The following SERTM1 variants were observed in gnomAD, a reference collection of about 807,000 sequenced individuals.
SERTM1 encodes serine-rich and transmembrane domain-containing protein 1.
Under a neutral mutation model 5.5 loss-of-function variants are expected in SERTM1, and 1 was observed. The ratio of observed to expected loss-of-function variants is 0.18; its 90% CI spans 0.06 to 0.86. The LOEUF (loss-of-function observed/expected upper bound fraction) is 0.86, where lower values mean the gene tolerates loss of function less well. SERTM1 is among the 40% of genes least tolerant of loss of function. The pLI, the probability that SERTM1 is intolerant of heterozygous loss-of-function variation, is 0.69. For missense variants in SERTM1, 91 were observed against 122.4 expected (o/e 0.74, Z 1.21); for synonymous variants, 52 against 55.1 (o/e 0.94, Z 0.25).
chr13:36,690,146 A>C (rs1472857809), intron 1 of SERTM1, among the ~76,000 whole-genome samples: 1 of 152,230 alleles, frequency 6.6e-6, no homozygotes, highest in Non-Finnish European at 1.5e-5. Context: ...TGGACGATTC[A>C]GAATCTCCAT....
At chr13:36,694,811 G>C in intron 1 of SERTM1, 95 bp from the exon 2 acceptor site, 1 of 457,070 alleles carries the variant, frequency 2.2e-6, no homozygotes, top group Non-Finnish European at 3.8e-6. Context: ...CCTCCATGCT[G>C]AGTTTTCTAA....
At position 36,693,230 on chromosome 13, in the gene SERTM1, T is replaced by A. The variant is rs138193665; in HGVS notation, c.-173-1676T>A. On this transcript the variant is annotated intron_variant, in intron 1 of 1. Coordinates refer to ENST00000315190, the MANE Select transcript of SERTM1 (RefSeq NM_203451.3). ...ATTTTAAATAGTTTTTCCCATCCAA[T>A]CTGTGAGGCTTCTATCCTAGTTTTC... Among the ~76,000 whole-genome samples the A allele has an allele frequency of 1.2e-3, 190 of 152,320 alleles. 1 individual carries two copies. Among genetic ancestry groups the A allele is most frequent in the African/African-American group, 4.3e-3 (180 of 41,570 alleles).
chr13:36,678,614 G>T (rs2056683836), intron 1 of SERTM1, among the ~76,000 whole-genome samples: 1 of 149,762 alleles, frequency 6.7e-6, no homozygotes, highest in African/African-American at 2.5e-5. Flanking sequence ...CATGGCACAT[G>T]TTTACTTATG....
At chr13:36,685,209 G>A (rs548637287) in intron 1 of SERTM1, among the ~76,000 whole-genome samples, 2 of 152,182 alleles carry the variant, frequency 1.3e-5, no homozygotes, top group Non-Finnish European at 2.9e-5. Context: ...TTTTGAGTTC[G>A]CTGTGCCGCC....
Position 36,682,369 on chromosome 13 carries a change from G to A in SERTM1, c.-174+8185G>A, listed in dbSNP as rs1005853036. On this transcript the variant is annotated intron_variant, in intron 1 of 1. Transcript: ENST00000315190. ...TAAAGCAGATAGGTAAATAAATGTA[G>A]TAAGTATAATAAAATGTGAGAAATG... 2.6e-5 allele frequency among the ~76,000 whole-genome samples: 4 copies of A among 152,316 alleles called. No homozygotes were observed. In the South Asian group the frequency reaches 8.3e-4, roughly 32 times the overall value.
chr13:36,694,749 A>T (rs866276539), intron 1 of SERTM1, among the ~76,000 whole-genome samples, 157 bp from the exon 2 acceptor site: 1 of 152,234 alleles, frequency 6.6e-6, no homozygotes, highest in African/African-American at 2.4e-5. Context: ...ATCATTTGTA[A>T]TATAAAGACA....
chr13:36,692,259 C>G (rs573773953), intron 1 of SERTM1, among the ~76,000 whole-genome samples: 1 of 152,194 alleles, frequency 6.6e-6, no homozygotes, highest in Admixed American at 6.5e-5. Context: ...ACTCTCCTGT[C>G]AACAGTTGAG....
Position 36,695,477 on chromosome 13 carries a change from T to A in SERTM1, c.*75T>A. 1 of 1,065,096 alleles carries A rather than the reference T, an allele frequency of 9.4e-7. No homozygotes were observed. The highest frequency in any genetic ancestry group is 1.4e-6 in the Non-Finnish European group (1 of 717,338). The allele number at this position is 1,065,096 out of a possible 1,614,324, so 66.0% of individuals were successfully genotyped here. ...CGGAAGTGTCCCGTGAGGCATTGCC[T>A]CATGAAAGAAATGATCCTTTTGGTG... is the stretch of plus-strand genomic sequence containing the variant. On this transcript the variant is annotated 3_prime_UTR_variant, in exon 2 of 2. Transcript: ENST00000315190.
At chr13:36,676,110 T>A (rs2056668288) in intron 1 of SERTM1, among the ~76,000 whole-genome samples, 1 of 152,208 alleles carries the variant, frequency 6.6e-6, no homozygotes, top group South Asian at 2.1e-4. Flanking sequence ...TGTGATTGCA[T>A]GTGGCATCAA....
At chr13:36,675,916 C>A (rs948863509) in intron 1 of SERTM1, among the ~76,000 whole-genome samples, 1 of 152,132 alleles carries the variant, frequency 6.6e-6, no homozygotes, top group Non-Finnish European at 1.5e-5. Context: ...ATTTTTGATT[C>A]CTCTATATAA....
At chr13:36,688,506 C>T (rs572446056) in intron 1 of SERTM1, among the ~76,000 whole-genome samples, 3 of 152,272 alleles carry the variant, frequency 2.0e-5, no homozygotes, top group Admixed American at 2.0e-4. Flanking sequence ...AGTCACCATG[C>T]CCAGCCTGAG....
chr13:36,675,289 C>T (rs1263906571), intron 1 of SERTM1, among the ~76,000 whole-genome samples: 2 of 152,298 alleles, frequency 1.3e-5, no homozygotes, highest in African/African-American at 2.4e-5. Flanking sequence ...CATTTGGTAC[C>T]GTCTGCACTA....
At chr13:36,693,884 A>G (rs746804265) in intron 1 of SERTM1, among the ~76,000 whole-genome samples, 2 of 151,910 alleles carry the variant, frequency 1.3e-5, no homozygotes, top group Non-Finnish European at 2.9e-5. Context: ...AGACTTATCT[A>G]TCAGGAGGGA....
At chr13:36,685,729 T>C (rs2056736686) in intron 1 of SERTM1, among the ~76,000 whole-genome samples, 1 of 152,172 alleles carries the variant, frequency 6.6e-6, no homozygotes, top group Admixed American at 6.5e-5. Flanking sequence ...AAGGAGGTGA[T>C]TAAGGCTAGT....
intron 1 of SERTM1, among the ~76,000 whole-genome samples, chr13:36,674,984 G>C (rs541306331): frequency 2.4e-4 from 37 of 152,244 alleles, no homozygotes; most frequent in African/African-American, 8.2e-4. Context: ...TTCTGATTTA[G>C]GAAAGGGATA....
intron 1 of SERTM1, among the ~76,000 whole-genome samples, chr13:36,677,778 T>C (rs2056679318): frequency 6.6e-6 from 1 of 152,242 alleles, no homozygotes; most frequent in Admixed American, 6.5e-5. Flanking sequence ...CCTGGTAATC[T>C]ATCAACTGTT....
At chr13:36,684,057 G>A (rs533566901) in intron 1 of SERTM1, among the ~76,000 whole-genome samples, 5 of 152,298 alleles carry the variant, frequency 3.3e-5, no homozygotes, top group African/African-American at 1.2e-4. Flanking sequence ...CAGCACTTTG[G>A]GAGGCTGAGG....
At chr13:36,686,691 T>C (rs753003888) in intron 1 of SERTM1, among the ~76,000 whole-genome samples, 20 of 152,206 alleles carry the variant, frequency 1.3e-4, no homozygotes, top group Non-Finnish European at 2.4e-4. Context: ...ATGTTACAAC[T>C]AGGAAATTTA....
intron 1 of SERTM1, among the ~76,000 whole-genome samples, chr13:36,692,848 T>C (rs1448327773): frequency 6.6e-6 from 1 of 152,198 alleles, no homozygotes; most frequent in East Asian, 1.9e-4. Context: ...TCTAGTCACT[T>C]TTCTGTCACT....
Sources: gnomAD v4.1 joint callset for allele counts (sites outside exome capture counted in the v4.1 genomes callset) on GRCh38, gnomAD v4.1.1 for gene constraint, MANE v1.5 for transcripts, NCBI Gene and HGNC (gene_info 2026-07-23, HGNC 2026-07-21) for gene names.